Variants in CD55 observed in about 807,000 individuals in gnomAD.
The protein encoded by CD55 is CD55 molecule (Cromer blood group).
Under a neutral mutation model 45.8 loss-of-function variants are expected in CD55, and 41 were observed. The observed-to-expected ratio is 0.90, with a 90% CI of 0.70 to 1.16. The LOEUF is 1.16. Ranked by LOEUF, CD55 falls within the 50% of genes most tolerant of loss-of-function variation. CD55 has a pLI of 0.00. For missense variants in CD55, 416 were observed against 469.8 expected, an observed-to-expected ratio of 0.89 and a Z score of 1.06; for synonymous variants, 181 against 181.1, an observed-to-expected ratio of 1.00 and a Z score of 0.01.
At chr1:207,324,095 G>A (rs1654556900) in intron 2 of CD55, among the ~76,000 whole-genome samples, 1 of 152,130 alleles carries the variant, frequency 6.6e-6, no homozygotes, top group Non-Finnish European at 1.5e-5. Flanking sequence ...GTATACAATT[G>A]ACTCATCCTT....
chr1:207,340,212 G>C (rs1164954182), intron 9 of CD55, among the ~76,000 whole-genome samples: 1 of 152,070 alleles, frequency 6.6e-6, no homozygotes. Context: ...GTAAGAGCAT[G>C]TGATATTTGT....
chr1:207,339,269 C>G, intron 8 of CD55, 128 bp from the exon 9 acceptor site: 3 of 653,614 alleles, frequency 4.6e-6, no homozygotes, highest in Non-Finnish European at 8.2e-6. Flanking sequence ...ATAATTATTT[C>G]ATTTGTGGAA....
intron 9 of CD55, among the ~76,000 whole-genome samples, chr1:207,343,827 A>G (rs1411775467): frequency 6.6e-6 from 1 of 152,174 alleles, no homozygotes; most frequent in Non-Finnish European, 1.5e-5. Context: ...TTTGCTTTAT[A>G]TGTTTGGGTA....
intron 9 of CD55, among the ~76,000 whole-genome samples, chr1:207,349,370 A>G (rs978976154): frequency 6.6e-6 from 1 of 152,006 alleles, no homozygotes; most frequent in African/African-American, 2.4e-5. Flanking sequence ...TCTAGTAGAG[A>G]TGAGGTTTCA....
intron 6 of CD55, among the ~76,000 whole-genome samples, chr1:207,331,730 A>G (rs1243419132): frequency 1.3e-5 from 2 of 152,174 alleles, no homozygotes; most frequent in Non-Finnish European, 2.9e-5. Flanking sequence ...CACTGAATTA[A>G]CATTCAATTC....
chr1:207,353,182 A>G (rs1312685975), intron 9 of CD55, among the ~76,000 whole-genome samples: 1 of 151,662 alleles, frequency 6.6e-6, no homozygotes, highest in Non-Finnish European at 1.5e-5. Flanking sequence ...TTTAAAAGAT[A>G]GAAAGATGCT....
chr1:207,335,444 A>G (rs1655127569), intron 6 of CD55, among the ~76,000 whole-genome samples: 1 of 152,226 alleles, frequency 6.6e-6, no homozygotes, highest in Admixed American at 6.5e-5. Context: ...ATTAAACTAG[A>G]TGTCAGTAAC....
intron 2 of CD55, 101 bp downstream of exon 2, chr1:207,322,668 G>A (rs1164562192): frequency 1.3e-5 from 13 of 1,021,310 alleles, no homozygotes; most frequent in Middle Eastern, 2.2e-4. Context: ...GTTCTCTAGC[G>A]TTACTAAACC....
intron 9 of CD55, chr1:207,340,536 T>A (rs1377945305): frequency 1.4e-6 from 1 of 698,486 alleles, no homozygotes; most frequent in African/African-American, 1.8e-5. Flanking sequence ...CGGCTAAGTT[T>A]TTGAAATTTA....
intron 9 of CD55, among the ~76,000 whole-genome samples, chr1:207,341,945 G>C (rs1242555278): frequency 6.6e-6 from 1 of 151,844 alleles, no homozygotes; most frequent in Admixed American, 6.6e-5. Flanking sequence ...TTTCCTTGTA[G>C]GGGTCTTTCA....
chr1:207,327,133 GTCAAGTATGATAGGTGAAAGATT>G (rs1654721709), intron 5 of CD55, among the ~76,000 whole-genome samples: 1 of 152,140 alleles, frequency 6.6e-6, no homozygotes. Flanking sequence ...TACTTCTAAA[GTCAAGTATGATAGGTGAAAGATT>G]TCCGCCCCAC....
chr1:207,331,168 A>G lies in CD55; in HGVS notation c.725A>G (p.His242Arg), dbSNP rs546501773. ...DNGIIQGERD[H>R]YGYRQSVTYA... is the part of the protein sequence containing the mutation. ...GGAATAATTCAAGGGGAACGTGACC[A>G]TTATGGATATAGACAGTCTGTAACG... The change falls in exon 6 of 10, where the codon CAT becomes CGT. Residue 242 changes from histidine (H) to arginine (R), a missense_variant. His to Arg is a conservative substitution (Grantham distance 29, BLOSUM62 0). Coordinates refer to ENST00000367064, the MANE Select transcript of CD55 (RefSeq NM_000574.5). 1.9e-6 allele frequency: 3 copies of G among 1,613,722 alleles called. No homozygotes were observed. Among genetic ancestry groups the G allele is most frequent in the Middle Eastern group, 1.7e-4 (1 of 6,058 alleles).
Position 207,336,766 on chromosome 1 carries a change from C to A in CD55, c.927C>A (p.Val309=), listed in dbSNP as rs974418028. 6.2e-7 allele frequency: 1 copy of A among 1,613,584 alleles called. No individual in the cohort carries two copies. Among genetic ancestry groups the A allele is most frequent in the Admixed American group, 1.7e-5 (1 of 59,988 alleles). The part of the protein sequence containing the change: ...PTTVNVPTTE[V]SPTSQKTTTK... ...CAGTAAATGTTCCAACTACAGAAGT[C>A]TCACCAACTTCTCAGAAAACCACCA... The change falls in exon 7 of 10, where the codon GTC becomes GTA. Residue 309 remains valine (V), a synonymous_variant. Coordinates refer to ENST00000367064, the MANE Select transcript of CD55 (RefSeq NM_000574.5).
intron 6 of CD55, among the ~76,000 whole-genome samples, chr1:207,336,116 G>A (rs1392079231): frequency 6.6e-6 from 1 of 152,130 alleles, no homozygotes; most frequent in Non-Finnish European, 1.5e-5. Context: ...CTTAATGAAA[G>A]TTTCACCTGA....
chr1:207,322,467 G>T lies in CD55; in HGVS notation c.186G>T (p.Thr62=). The T allele has an allele frequency of 6.2e-7, 1 of 1,614,156 alleles. No homozygotes were observed. Among genetic ancestry groups the T allele is most frequent in the Non-Finnish European group, 8.5e-7 (1 of 1,179,994 alleles). ...GTTTTCCCGAGGATACTGTAATAAC[G>T]TACAAATGTGAAGAAAGCTTTGTGA... The part of the protein sequence containing the change: ...RTSFPEDTVI[T]YKCEESFVKI... Residue 62 remains threonine (T), a synonymous_variant, in exon 2 of 10, where the codon ACG becomes ACT. Coordinates refer to ENST00000367064, the MANE Select transcript of CD55 (RefSeq NM_000574.5).
At chr1:207,339,611 G>A (rs960100655) in intron 9 of CD55, among the ~76,000 whole-genome samples, 194 bp downstream of exon 9, 15 of 151,946 alleles carry the variant, frequency 9.9e-5, no homozygotes, top group East Asian at 1.9e-4. Context: ...TCATATACTC[G>A]CTCGGATTCA....
Position 207,355,230 on chromosome 1 carries a change from A to T in CD55, c.1082-4316A>T, listed in dbSNP as rs1434998448. Among the ~76,000 whole-genome samples, 3 of 150,726 alleles carry T rather than the reference A, an allele frequency of 2.0e-5. No homozygotes were observed. The East Asian group carries it at 5.9e-4, about 29-fold the overall frequency. On this transcript the variant is annotated intron_variant, in intron 9 of 9. Transcript: ENST00000367064. ...TGATTTGGAGCCAAATACACTCATTAGTCACGTTAGATTCAGTTACTATTC... is the reference window on the plus strand; with the variant it reads ...TGATTTGGAGCCAAATACACTCATTTGTCACGTTAGATTCAGTTACTATTC...
chr1:207,323,257 A>G (rs1654512766), intron 2 of CD55, among the ~76,000 whole-genome samples: 1 of 150,468 alleles, frequency 6.6e-6, no homozygotes. Context: ...AGGGAGAGAT[A>G]TATATATATA....
chr1:207,326,453 G>GTATAAA lies in CD55; in HGVS notation c.579-298_579-293dup, dbSNP rs28371605. Among the ~76,000 whole-genome samples the GTATAAA allele has an allele frequency of 3.4e-3, 515 of 152,144 alleles. 5 individuals are homozygous for GTATAAA. Among genetic ancestry groups the GTATAAA allele is most frequent in the African/African-American group, 0.012 (483 of 41,498 alleles). ...TGAAGCCCATATTTAGAACTCAGAG[G>GTATAAA]TATAAAATGTTCAATCATCTATGTC... On this transcript the variant is annotated intron_variant, in intron 4 of 9. Transcript: ENST00000367064.
Sources: gnomAD v4.1 joint callset for allele counts (sites outside exome capture counted in the v4.1 genomes callset) on GRCh38, gnomAD v4.1.1 for gene constraint, MANE v1.5 for transcripts, NCBI Gene and HGNC (gene_info 2026-07-23, HGNC 2026-07-21) for gene names.